Variants in MTRF1 observed in about 807,000 individuals in gnomAD.
The protein encoded by MTRF1 is mitochondrial translation release factor 1.
A neutral mutation model predicts 62.9 loss-of-function variants in MTRF1; 51 were observed. The observed-to-expected ratio is 0.81, with a 90% CI of 0.65 to 1.02. MTRF1 has a LOEUF of 1.02. MTRF1 is among the 50% of genes least tolerant of loss of function. MTRF1 has a pLI of 0.00. For synonymous variants in MTRF1, 158 were observed against 181.9 expected, an observed-to-expected ratio of 0.87 and a Z score of 1.06; for missense variants, 446 against 530.0, an observed-to-expected ratio of 0.84 and a Z score of 1.56.
chr13:41,308,028 TG>T, the MTRF1 span, among the ~76,000 whole-genome samples: 1 of 152,114 alleles, frequency 6.6e-6, no homozygotes, highest in Non-Finnish European at 1.5e-5. Flanking sequence ...CACGGAACTG[TG>T]TGTCCTGGGA....
intron 9 of MTRF1, among the ~76,000 whole-genome samples, chr13:41,219,494 T>A (rs1466275994): frequency 6.6e-6 from 1 of 151,996 alleles, no homozygotes; most frequent in African/African-American, 2.4e-5. Context: ...ACAGTCTAAG[T>A]AGAACAGCTA....
chr13:41,240,217 C>T, intron 6 of MTRF1, 44 bp downstream of exon 6: 1 of 1,538,918 alleles, frequency 6.5e-7, no homozygotes, highest in Non-Finnish European at 8.8e-7. Context: ...AGCACAATAC[C>T]CGTTGACATG....
chr13:41,276,850 T>C, the MTRF1 span, among the ~76,000 whole-genome samples: 1 of 152,160 alleles, frequency 6.6e-6, no homozygotes, highest in African/African-American at 2.4e-5. Flanking sequence ...GTAGAACCTA[T>C]TGTCCTTTTG....
chr13:41,263,276 T>C (rs1423992701), intron 1 of MTRF1: 2 of 1,289,170 alleles, frequency 1.6e-6, no homozygotes, highest in South Asian at 1.2e-5. Context: ...TAACTACACC[T>C]GAGAACAGCA....
At chr13:41,288,708 T>A in the MTRF1 span, among the ~76,000 whole-genome samples, 110,726 of 152,106 alleles carry the variant, frequency 0.73, 42,179 homozygotes, top group South Asian at 0.9. Context: ...TCACTTTATT[T>A]CTTTTGTAAT....
chr13:41,287,048 C>A, the MTRF1 span, among the ~76,000 whole-genome samples: 2 of 152,178 alleles, frequency 1.3e-5, no homozygotes, highest in African/African-American at 4.8e-5. Flanking sequence ...CTTAACATAA[C>A]AATGCAACTT....
chr13:41,304,899 C>T, the MTRF1 span, among the ~76,000 whole-genome samples: 1 of 152,120 alleles, frequency 6.6e-6, no homozygotes, highest in Admixed American at 6.5e-5. Context: ...TCAATTCAGG[C>T]CCAGTTAGAC....
At chr13:41,233,768 A>G (rs2035999014) in intron 7 of MTRF1, 122 bp downstream of exon 7, 1 of 751,342 alleles carries the variant, frequency 1.3e-6, no homozygotes, top group Non-Finnish European at 2.3e-6. Flanking sequence ...CTGATCCACA[A>G]CCCCAGTGAC....
At chr13:41,311,219 G>T in the MTRF1 span, 2 of 487,878 alleles carry the variant, frequency 4.1e-6, no homozygotes, top group Non-Finnish European at 7.2e-6. Flanking sequence ...GGCGCTCCGC[G>T]CATGCGCACA....
chr13:41,264,159 T>G (rs2040755622), upstream of MTRF1, among the ~76,000 whole-genome samples: 1 of 152,238 alleles, frequency 6.6e-6, no homozygotes, highest in Non-Finnish European at 1.5e-5. Flanking sequence ...TTCTATACTT[T>G]CAGCTTCCAT....
At chr13:41,309,601 C>T in the MTRF1 span, among the ~76,000 whole-genome samples, 153 of 152,024 alleles carry the variant, frequency 1.0e-3, 1 homozygote, top group Non-Finnish European at 2.8e-4. Context: ...TTTTAAAGGA[C>T]TCCTATGATG....
chr13:41,283,962 T>C, the MTRF1 span, among the ~76,000 whole-genome samples: 1 of 152,052 alleles, frequency 6.6e-6, no homozygotes, highest in Non-Finnish European at 1.5e-5. Context: ...TTTACAGCAC[T>C]AGGTGGGGGA....
chr13:41,290,020 C>T, the MTRF1 span, among the ~76,000 whole-genome samples: 9 of 150,836 alleles, frequency 6.0e-5, no homozygotes, highest in East Asian at 5.9e-4. Flanking sequence ...TCCCGAAGCA[C>T]GGACTTTTAT....
chr13:41,309,506 G>A, the MTRF1 span, among the ~76,000 whole-genome samples: 2 of 152,024 alleles, frequency 1.3e-5, no homozygotes, highest in African/African-American at 2.4e-5. Context: ...GTGTCTTTAC[G>A]GTAGAACAAT....
chr13:41,290,256 G>T, the MTRF1 span, among the ~76,000 whole-genome samples: 1 of 148,444 alleles, frequency 6.7e-6, no homozygotes, highest in Non-Finnish European at 1.5e-5. Flanking sequence ...CACCACCTAC[G>T]TCCGGCTAAT....
chr13:41,279,875 C>A, the MTRF1 span, among the ~76,000 whole-genome samples: 1 of 152,122 alleles, frequency 6.6e-6, no homozygotes, highest in South Asian at 2.1e-4. Flanking sequence ...ACAATCTGCT[C>A]TCTCTCTGAG....
At chr13:41,290,265 AT>A in the MTRF1 span, among the ~76,000 whole-genome samples, 1 of 147,990 alleles carries the variant, frequency 6.8e-6, no homozygotes, top group African/African-American at 2.5e-5. Flanking sequence ...CGTCCGGCTA[AT>A]TTTTTTGTAT....
At chr13:41,277,137 T>C in the MTRF1 span, among the ~76,000 whole-genome samples, 1 of 151,874 alleles carries the variant, frequency 6.6e-6, no homozygotes, top group Non-Finnish European at 1.5e-5. Context: ...AACTTTTTTT[T>C]TTTTTTTTGA....
At chr13:41,281,882 A>C in the MTRF1 span, among the ~76,000 whole-genome samples, 3 of 152,174 alleles carry the variant, frequency 2.0e-5, no homozygotes, top group African/African-American at 7.2e-5. Context: ...CATGCCTGTA[A>C]TCCCAGCACT....
Sources: allele counts gnomAD v4.1 joint callset (sites outside exome capture counted in the v4.1 genomes callset), GRCh38; gene constraint gnomAD v4.1.1; transcripts MANE v1.5; gene names NCBI Gene and HGNC (gene_info 2026-07-23, HGNC 2026-07-21).